BCL2L14: variants seen among roughly 807,000 people sequenced by gnomAD.
The protein encoded by BCL2L14 is apoptosis facilitator Bcl-2-like protein 14.
Under a neutral mutation model 35.3 loss-of-function variants are expected in BCL2L14, and 27 were observed. The ratio of observed to expected loss-of-function variants is 0.76; its 90% CI spans 0.56 to 1.05. The LOEUF (loss-of-function observed/expected upper bound fraction) is 1.05. Ranked by LOEUF, BCL2L14 falls within the 50% of genes least tolerant of loss-of-function variation. The pLI is 0.00. For missense variants in BCL2L14, 377 were observed against 382.6 expected, an observed-to-expected ratio of 0.99 and a Z score of 0.12; for synonymous variants, 139 against 145.9, an observed-to-expected ratio of 0.95 and a Z score of 0.34.
chr12:12,079,169 C>T lies in BCL2L14; in HGVS notation c.-7-130C>T, dbSNP rs1482521026. On this transcript the variant is annotated intron_variant, in intron 1 of 5. Transcript: ENST00000308721. ...CCTAGTAAGACTGTGGCTTTTCCCT[C>T]TCTACCCTCCAGCACAAACACAATA... 6.5e-6 allele frequency: 5 copies of T among 773,188 alleles called. No homozygotes were observed. The Admixed American group carries it at 8.1e-5, about 13-fold the overall frequency. The allele number at this position is 773,188 out of a possible 1,614,324, so 47.9% of individuals were successfully genotyped here. A position where few individuals can be genotyped will look rare whatever the true frequency, so the allele number is the denominator to read the frequency against.
At chr12:12,089,995 A>G (rs965130487) in intron 3 of BCL2L14, among the ~76,000 whole-genome samples, 9 of 152,232 alleles carry the variant, frequency 5.9e-5, no homozygotes, top group African/African-American at 2.2e-4. Context: ...ATGGGCCACA[A>G]ATTTGGCTCT....
chr12:12,091,514 G>C (rs566620066), intron 4 of BCL2L14, among the ~76,000 whole-genome samples: 5 of 152,340 alleles, frequency 3.3e-5, no homozygotes, highest in Non-Finnish European at 7.3e-5. Flanking sequence ...GTAGTCTCTA[G>C]AATCTGTCAA....
In BCL2L14 at chr12:12,071,099, A is replaced by T. The variant is rs1948663206; in HGVS notation, c.-46A>T. The T allele has an allele frequency of 6.6e-6, 1 of 152,186 alleles. No homozygotes were observed. Among genetic ancestry groups the T allele is most frequent in the South Asian group, 2.1e-4 (1 of 4,830 alleles). 9.4% of individuals were successfully genotyped at this position (152,186 alleles called of 1,614,324 possible). A position where few individuals can be genotyped will look rare whatever the true frequency, so the allele number is the denominator to read the frequency against. On this transcript the variant is annotated 5_prime_UTR_variant, in exon 1 of 6. Coordinates refer to ENST00000308721, the MANE Select transcript of BCL2L14 (RefSeq NM_138723.2). The stretch of plus-strand genomic sequence containing the variant: ...ATAGAAATATCCTTACTGCCACCTG[A>T]CCTGAAGCAGAAGAAATCACAGACA...
At chr12:12,067,604 A>G (rs1433812867), upstream of BCL2L14, among the ~76,000 whole-genome samples, 2 of 152,108 alleles carry the variant, frequency 1.3e-5, no homozygotes, top group Non-Finnish European at 2.9e-5. Context: ...GAGGGCAGAG[A>G]GTTTGTCCTG....
At position 12,094,752 on chromosome 12, in the gene BCL2L14, G is replaced by A; in HGVS notation, c.767G>A (p.Gly256Asp). 6.2e-7 allele frequency: 1 copy of A among 1,614,214 alleles called. No individual in the cohort carries two copies. The highest frequency in any genetic ancestry group is 8.5e-7 in the Non-Finnish European group (1 of 1,180,042). The change falls in exon 5 of 6, where the codon GGT becomes GAT. Residue 256 changes from glycine (G) to aspartate (D), a missense_variant. By Grantham distance (94) the Gly-to-Asp change is moderately conservative (BLOSUM62 -1). Coordinates refer to ENST00000308721, the MANE Select transcript of BCL2L14 (RefSeq NM_138723.2). ...FKTITDQVLMGVDPRGESEVK... is the reference protein window; with the variant it reads ...FKTITDQVLMDVDPRGESEVK... ...ACCATCACAGACCAGGTCCTAATGG[G>A]TGTGGACCCCAGGGGAGAATCAGAG...
chr12:12,066,718 T>A (rs2416989), upstream of BCL2L14, among the ~76,000 whole-genome samples: 140,159 of 146,068 alleles, frequency 0.96, 67,232 homozygotes, highest in Admixed American at 0.98. Flanking sequence ...TATTATTATT[T>A]TTTTTTTTTT....
In BCL2L14 at chr12:12,063,363, AG is replaced by A. The variant is rs1948552955; in HGVS notation, c.-272+11517del. Among the ~76,000 whole-genome samples the A allele has an allele frequency of 2.0e-5, 3 of 151,098 alleles. No homozygotes were observed. The South Asian group carries it at 6.4e-4, about 32-fold the overall frequency. ...GATGTCCTAGGTCCTCCCAATTCTT[AG>A]ACCTTTTATACCTGTTTTTCTCCTT... On this transcript the variant is annotated intron_variant, in intron 2 of 3. Transcript: ENST00000461264.
At chr12:12,088,769 G>A (rs963753166) in intron 3 of BCL2L14, among the ~76,000 whole-genome samples, 19 of 152,074 alleles carry the variant, frequency 1.2e-4, no homozygotes, top group African/African-American at 4.1e-4. Flanking sequence ...AAAGGTATCC[G>A]TGTCTCCCAA....
intron 2 of BCL2L14, among the ~76,000 whole-genome samples, chr12:12,064,824 G>A (rs1263003157): frequency 1.3e-5 from 2 of 152,194 alleles, no homozygotes; most frequent in African/African-American, 4.8e-5. Context: ...AGTCTTCCAT[G>A]GAAGTCATGG....
At chr12:12,096,606 T>C (rs534229120) in intron 5 of BCL2L14, among the ~76,000 whole-genome samples, 30 of 152,318 alleles carry the variant, frequency 2.0e-4, no homozygotes, top group Admixed American at 2.6e-4. Context: ...AAAGAATATA[T>C]ATAAATGGCT....
intron 2 of BCL2L14, among the ~76,000 whole-genome samples, chr12:12,065,049 C>T (rs181062058): frequency 1.8e-4 from 28 of 152,266 alleles, no homozygotes; most frequent in African/African-American, 6.7e-4. Flanking sequence ...TTCCTCTACC[C>T]TCCTAGGTTT....
intron 3 of BCL2L14, among the ~76,000 whole-genome samples, chr12:12,089,570 C>T (rs1949130103): frequency 6.6e-6 from 1 of 150,802 alleles, no homozygotes; most frequent in African/African-American, 2.4e-5. Context: ...TGGTGGCACA[C>T]ACCTGTAGTC....
chr12:12,091,211 T>C (rs1949182003), intron 4 of BCL2L14, among the ~76,000 whole-genome samples: 1 of 152,274 alleles, frequency 6.6e-6, no homozygotes, highest in Admixed American at 6.5e-5. Flanking sequence ...CTTTGCAGCC[T>C]GGATATCTGT....
chr12:12,081,794 T>A (rs1948930963), intron 2 of BCL2L14, among the ~76,000 whole-genome samples: 1 of 152,112 alleles, frequency 6.6e-6, no homozygotes, highest in South Asian at 2.1e-4. Context: ...CCTGACCTCG[T>A]GATCTGCCCA....
At chr12:12,074,966 T>C (rs1470890120) in intron 1 of BCL2L14, among the ~76,000 whole-genome samples, 2 of 94,692 alleles carry the variant, frequency 2.1e-5, no homozygotes, top group African/African-American at 4.6e-5. Context: ...TTCCTTAATA[T>C]CATCTAAAAC....
chr12:12,088,675 TTC>T (rs1445815545), intron 3 of BCL2L14, among the ~76,000 whole-genome samples: 2 of 152,178 alleles, frequency 1.3e-5, no homozygotes, highest in East Asian at 1.9e-4. Context: ...CCTAAATCAT[TTC>T]TTTTTAACTC....
At chr12:12,095,052 T>C (rs1736890682) in intron 5 of BCL2L14, 122 bp downstream of exon 5, 1 of 1,455,846 alleles carries the variant, frequency 6.9e-7, no homozygotes, top group Non-Finnish European at 9.0e-7. Context: ...TTTAGGACAC[T>C]TGAGTGGCCA....
At chr12:12,079,782 C>T (rs760350667) in intron 2 of BCL2L14, 44 bp downstream of exon 2, 1 of 1,578,750 alleles carries the variant, frequency 6.3e-7, no homozygotes, top group African/African-American at 1.4e-5. Context: ...CTGGTTTTTC[C>T]CTTCTTTGTG....
At chr12:12,083,832 C>T (rs1948981173) in intron 2 of BCL2L14, among the ~76,000 whole-genome samples, 1 of 152,174 alleles carries the variant, frequency 6.6e-6, no homozygotes, top group African/African-American at 2.4e-5. Flanking sequence ...CCTGCAGTCT[C>T]AGCTACTCGA....
Sources: gnomAD v4.1 joint callset for allele counts (sites outside exome capture counted in the v4.1 genomes callset) on GRCh38, gnomAD v4.1.1 for gene constraint, MANE v1.5 for transcripts, NCBI Gene and HGNC (gene_info 2026-07-23, HGNC 2026-07-21) for gene names.